Variants in PCDHA9 observed in about 807,000 individuals in gnomAD.
PCDHA9 encodes protocadherin alpha-9.
PCDHA9 carries 62 observed loss-of-function variants against 62.0 expected under a neutral mutation model. The observed-to-expected ratio is 1.00, with a 90% CI of 0.81 to 1.23. PCDHA9 has a LOEUF of 1.23. PCDHA9 is among the 50% of genes most tolerant of loss of function. The pLI is 0.00. For synonymous variants in PCDHA9, 557 were observed against 567.6 expected (o/e 0.98, Z 0.27); for missense variants, 1,205 against 1,249.8 (o/e 0.96, Z 0.54).
In PCDHA9 at chr5:140,848,765, C is replaced by A; in HGVS notation, c.270C>A (p.Ile90=). ...QNGILFVNSR[I]DREELCGRSA... is the part of the protein sequence containing the mutation. ...GCATTTTGTTTGTGAATTCTCGGAT[C>A]GACCGCGAGGAGCTGTGCGGGCGGA... Residue 90 remains isoleucine, a synonymous_variant, in exon 1 of 4, where the codon ATC becomes ATA. Coordinates refer to ENST00000532602, the MANE Select transcript of PCDHA9 (RefSeq NM_031857.2). 3.8e-6 allele frequency: 6 copies of A among 1,593,356 alleles called. 1 individual carries two copies. The highest frequency in any genetic ancestry group is 2.2e-5 in the South Asian group (2 of 90,232).
chr5:140,921,942 C>G (rs1025333030), intron 1 of PCDHA9, among the ~76,000 whole-genome samples: 3 of 151,730 alleles, frequency 2.0e-5, no homozygotes, highest in Non-Finnish European at 4.4e-5. Context: ...TAATTTTACA[C>G]TTGTAAAATC....
intron 1 of PCDHA9, among the ~76,000 whole-genome samples, chr5:140,888,523 T>C (rs1316582829): frequency 6.6e-6 from 1 of 152,244 alleles, no homozygotes; most frequent in African/African-American, 2.4e-5. Flanking sequence ...AGTTCTGACG[T>C]GAAGTTAAGT....
chr5:140,926,778 A>G, intron 1 of PCDHA9: 1 of 1,393,042 alleles, frequency 7.2e-7, no homozygotes, highest in East Asian at 2.6e-5. Context: ...CGCAGCAGTG[A>G]CGGCCGGCAG....
intron 1 of PCDHA9, chr5:140,877,875 C>A: frequency 6.8e-7 from 1 of 1,475,090 alleles, no homozygotes; most frequent in Non-Finnish European, 9.0e-7. Context: ...TATTTGTTTC[C>A]TTGAAGAACT....
At chr5:140,949,474 G>T (rs2094384891) in intron 1 of PCDHA9, among the ~76,000 whole-genome samples, 1 of 151,524 alleles carries the variant, frequency 6.6e-6, no homozygotes, top group Admixed American at 6.6e-5. Flanking sequence ...CTGTTATTAG[G>T]CACACACATT....
chr5:140,922,074 CA>C (rs1554200639), intron 1 of PCDHA9, among the ~76,000 whole-genome samples: 1 of 151,892 alleles, frequency 6.6e-6, no homozygotes, highest in Non-Finnish European at 1.5e-5. Flanking sequence ...TCCCACTAAG[CA>C]AAAAGTGGTA....
chr5:140,957,702 A>C (rs930331275), intron 1 of PCDHA9, among the ~76,000 whole-genome samples: 4 of 152,158 alleles, frequency 2.6e-5, no homozygotes, highest in Non-Finnish European at 5.9e-5. Context: ...AACATTATGT[A>C]GTTTTTATTA....
Position 141,011,146 on chromosome 5 carries a change from C to T in PCDHA9, c.*1209C>T, listed in dbSNP as rs1180133019. On this transcript the variant is annotated 3_prime_UTR_variant, in exon 4 of 4. Transcript: ENST00000532602. ...TATGTGCACTTTGATACACAACCTT[C>T]TCTAACCAACTATATATCAAGACCC... The T allele has an allele frequency of 6.5e-6, 1 of 153,746 alleles. No individual in the cohort carries two copies. The highest frequency in any genetic ancestry group is 2.1e-4 in the South Asian group (1 of 4,824). The allele number at this position is 153,746 out of a possible 1,614,324, so 9.5% of individuals were successfully genotyped here.
intron 1 of PCDHA9, among the ~76,000 whole-genome samples, chr5:140,957,527 T>C (rs1441282290): frequency 6.6e-6 from 1 of 152,138 alleles, no homozygotes; most frequent in African/African-American, 2.4e-5. Context: ...AGACATTCAG[T>C]GGGGATCTTA....
chr5:140,988,512 T>TCC (rs2097301181), intron 3 of PCDHA9, among the ~76,000 whole-genome samples: 1 of 152,218 alleles, frequency 6.6e-6, no homozygotes, highest in Non-Finnish European at 1.5e-5. Flanking sequence ...TGAAGCTTAC[T>TCC]TAAGTCTCTG....
Position 141,009,631 on chromosome 5 carries a change from A to G in PCDHA9, c.2547A>G (p.Pro849=). 6.2e-7 allele frequency: 1 copy of G among 1,613,068 alleles called. No individual in the cohort carries two copies. The highest frequency in any genetic ancestry group is 8.5e-7 in the Non-Finnish European group (1 of 1,179,354). The change falls in exon 4 of 4, where the codon CCA becomes CCG. Residue 849 remains proline (P), a synonymous_variant. Transcript: ENST00000532602. ...WPTVSSATPE[P]EAGEVSPPVG... is the part of the protein sequence containing the mutation. ...TTGTAATGTTTTGTCTTTCAGAACC[A>G]GAGGCAGGAGAAGTGTCCCCTCCAG...
At chr5:140,978,528 C>T (rs903940636) in intron 1 of PCDHA9, among the ~76,000 whole-genome samples, 1 of 152,192 alleles carries the variant, frequency 6.6e-6, no homozygotes, top group Non-Finnish European at 1.5e-5. Flanking sequence ...GCCAGGCCAG[C>T]AGAACTTGTG....
intron 1 of PCDHA9, among the ~76,000 whole-genome samples, chr5:140,903,665 G>A (rs2070490056): frequency 6.6e-6 from 1 of 152,156 alleles, no homozygotes; most frequent in African/African-American, 2.4e-5. Context: ...AAATTTAACT[G>A]ATATAAAAGA....
chr5:140,919,286 G>A (rs1225686980), intron 1 of PCDHA9, among the ~76,000 whole-genome samples: 9 of 152,096 alleles, frequency 5.9e-5, no homozygotes, highest in Admixed American at 5.9e-4. Flanking sequence ...GCTATCTTGT[G>A]GTTGCTGTTT....
In PCDHA9 at chr5:141,010,428, A is replaced by G. The variant is rs2098417264; in HGVS notation, c.*491A>G. The G allele has an allele frequency of 9.2e-7, 1 of 1,087,372 alleles. No individual in the cohort carries two copies. Among genetic ancestry groups the G allele is most frequent in the East Asian group, 2.6e-5 (1 of 38,240 alleles). 67.4% of individuals were successfully genotyped at this position (1,087,372 alleles called of 1,614,324 possible). ...GACTAATTGGTACAAGGAAGGCAAG[A>G]AAACAAAGACAAATAAACAGCGGAA... On this transcript the variant is annotated 3_prime_UTR_variant, in exon 4 of 4. Transcript: ENST00000532602.
rs546510910 is a variant in PCDHA9, at chr5:140,894,996, C to G, written c.2394+44107C>G. ...GTCTTACTTTGTGACATCCTTTACC[C>G]TTTTTACTTGGACCTTTTTCCTTTG... is the stretch of plus-strand genomic sequence containing the variant. On this transcript the variant is annotated intron_variant, in intron 1 of 3. Transcript: ENST00000532602. Among the ~76,000 whole-genome samples, 5 of 152,204 alleles carry G rather than the reference C, an allele frequency of 3.3e-5. No homozygotes were observed. The East Asian group carries it at 9.6e-4, about 29-fold the overall frequency.
chr5:140,927,478 C>T (rs959432734), intron 1 of PCDHA9: 12 of 1,613,944 alleles, frequency 7.4e-6, no homozygotes, highest in African/African-American at 1.3e-5. Flanking sequence ...TCGCGAACAG[C>T]GCGCCACCCA....
intron 2 of PCDHA9, among the ~76,000 whole-genome samples, chr5:140,980,713 C>A (rs1034858406): frequency 1.3e-5 from 2 of 151,364 alleles, no homozygotes; most frequent in Non-Finnish European, 2.9e-5. Context: ...TGCTCCTATT[C>A]GGGTTTCAAT....
intron 1 of PCDHA9, among the ~76,000 whole-genome samples, chr5:140,905,301 C>T (rs1476283859): frequency 6.6e-6 from 1 of 152,182 alleles, no homozygotes; most frequent in Admixed American, 6.5e-5. Context: ...GGTGTCCTTT[C>T]CACACTTTGT....
Sources: gnomAD v4.1 joint callset for allele counts (sites outside exome capture counted in the v4.1 genomes callset) on GRCh38, gnomAD v4.1.1 for gene constraint, MANE v1.5 for transcripts, NCBI Gene and HGNC (gene_info 2026-07-23, HGNC 2026-07-21) for gene names.